UBXN11: variants seen among roughly 807,000 people sequenced by gnomAD.
UBXN11 encodes the protein UBX domain-containing protein 11.
A neutral mutation model predicts 62.8 loss-of-function variants in UBXN11; 47 were observed. That is an observed-to-expected ratio of 0.75 (90% CI 0.59 to 0.95). The LOEUF (loss-of-function observed/expected upper bound fraction) is 0.95, where lower values mean the gene tolerates loss of function less well. UBXN11 is among the 40% of genes least tolerant of loss of function. The pLI is 0.00. For synonymous variants in UBXN11, 294 were observed against 267.0 expected, an observed-to-expected ratio of 1.10 and a Z score of -0.99; for missense variants, 638 against 661.7, an observed-to-expected ratio of 0.96 and a Z score of 0.39.
upstream of UBXN11, among the ~76,000 whole-genome samples, chr1:26,310,481 T>C (rs748729211): frequency 1.3e-5 from 2 of 149,904 alleles, no homozygotes; most frequent in Non-Finnish European, 3.0e-5. Flanking sequence ...GAGGTTACAG[T>C]GAGCCAAGGT....
At chr1:26,304,190 C>A (rs1053208411) in intron 1 of UBXN11, among the ~76,000 whole-genome samples, 1 of 152,208 alleles carries the variant, frequency 6.6e-6, no homozygotes, top group African/African-American at 2.4e-5. Context: ...GCCTTCACTG[C>A]AGAGTTTGAG....
chr1:26,290,307 C>CT (rs1395695038), intron 8 of UBXN11, among the ~76,000 whole-genome samples: 1 of 152,214 alleles, frequency 6.6e-6, no homozygotes, highest in Non-Finnish European at 1.5e-5. Context: ...GTCAGCACGA[C>CT]TGAGGAGGAA....
intron 1 of UBXN11, among the ~76,000 whole-genome samples, chr1:26,315,232 G>A (rs1027323289): frequency 1.1e-4 from 16 of 152,222 alleles, no homozygotes; most frequent in African/African-American, 3.6e-4. Flanking sequence ...TTACAAATAA[G>A]AGTCTGGCAT....
intron 8 of UBXN11, among the ~76,000 whole-genome samples, chr1:26,291,315 A>G (rs1272748769): frequency 6.6e-6 from 1 of 152,212 alleles, no homozygotes; most frequent in Non-Finnish European, 1.5e-5. Context: ...CAGGAACAGA[A>G]GCTGCTAGCG....
intron 2 of UBXN11, among the ~76,000 whole-genome samples, chr1:26,302,091 C>T (rs2073550842): frequency 6.6e-6 from 1 of 152,110 alleles, no homozygotes; most frequent in Non-Finnish European, 1.5e-5. Context: ...CAAAGTGGGG[C>T]CAGGCGCGGT....
Position 26,298,051 on chromosome 1 carries a change from G to C in UBXN11, c.211C>G (p.His71Asp). 1.2e-6 allele frequency: 2 copies of C among 1,613,236 alleles called. No homozygotes were observed. ...ATGAAGGCCATCAGCTCCGAGTCAT[G>C]GGATGCAGGGACTGCCAAGCACACA... ...APVSRQVPAS[H>D]DSELMAFMTR... Residue 71 changes from histidine (H) to aspartate (D), a missense_variant, in exon 5 of 15, where the codon CAT (histidine) becomes GAT (aspartate). His to Asp is a moderately conservative substitution (Grantham distance 81). Coordinates refer to ENST00000374222, the MANE Select transcript of UBXN11 (RefSeq NM_001389556.1).
intron 1 of UBXN11, among the ~76,000 whole-genome samples, chr1:26,316,468 T>TG (rs1464073926): frequency 7.1e-6 from 1 of 141,012 alleles, no homozygotes; most frequent in Non-Finnish European, 1.5e-5. Flanking sequence ...TCCTGGGGCC[T>TG]GGGGGGAGTT....
chr1:26,303,109 G>A, intron 1 of UBXN11, 191 bp from the exon 2 acceptor site: 1 of 490,742 alleles, frequency 2.0e-6, no homozygotes, highest in Non-Finnish European at 3.7e-6. Context: ...GCTCCTCTGG[G>A]TATACGGCTT....
intron 8 of UBXN11, among the ~76,000 whole-genome samples, chr1:26,291,867 C>T (rs534818818): frequency 6.6e-6 from 1 of 152,322 alleles, no homozygotes; most frequent in East Asian, 1.9e-4. Context: ...GGGACACGCT[C>T]CCCTTCCTAG....
intron 1 of UBXN11, among the ~76,000 whole-genome samples, chr1:26,312,821 T>C (rs1428663708): frequency 6.7e-6 from 1 of 150,130 alleles, no homozygotes; most frequent in Non-Finnish European, 1.5e-5. Flanking sequence ...CTACTAAAAA[T>C]ACAAAAAATT....
chr1:26,307,556 GCACT>G (rs2073692692), upstream of UBXN11, among the ~76,000 whole-genome samples: 1 of 151,446 alleles, frequency 6.6e-6, no homozygotes, highest in Non-Finnish European at 1.5e-5. Context: ...CTGATCTCAG[GCACT>G]CACTTCTTTG....
chr1:26,305,789 C>T (rs1449519672), intron 1 of UBXN11, among the ~76,000 whole-genome samples: 1 of 152,118 alleles, frequency 6.6e-6, no homozygotes, highest in East Asian at 1.9e-4. Flanking sequence ...TTTTTCTCTC[C>T]TTCCTTCCCT....
At chr1:26,300,854 C>T (rs1404023750) in intron 4 of UBXN11, 72 bp downstream of exon 4, 2 of 1,609,756 alleles carry the variant, frequency 1.2e-6, no homozygotes, top group South Asian at 2.2e-5. Context: ...GCCATGCCTC[C>T]CTAGGCCTTG....
In UBXN11 at chr1:26,285,873, T is replaced by C; in HGVS notation, c.724A>G (p.Ile242Val). The C allele has an allele frequency of 1.2e-6, 2 of 1,612,714 alleles. No homozygotes were observed. Among genetic ancestry groups the C allele is most frequent in the Non-Finnish European group, 1.7e-6 (2 of 1,178,838 alleles). The part of the protein sequence containing the change: ...PIPLKLYRNG[I>V]MMFDGPFQPF... ...TGGAAGGGCCCGTCGAACATCATGA[T>C]GCCATTCCGGTAGAGCTTCAGCGGG... The change falls in exon 9 of 15, where the codon ATC becomes GTC. Residue 242 changes from isoleucine to valine, a missense_variant. Coordinates refer to ENST00000374222, the MANE Select transcript of UBXN11 (RefSeq NM_001389556.1).
In UBXN11 at chr1:26,316,797, C is replaced by T. The variant is rs369633429; in HGVS notation, c.-149+1250G>A. ...ATCCCCCCACCCCTCCCTGGGCCCT[C>T]ACAGCCACTCTCTCACCCCAGTCCC... On this transcript the variant is annotated intron_variant, in intron 1 of 14. Coordinates refer to the UBXN11 transcript ENST00000374217. Among the ~76,000 whole-genome samples, 95 of 151,698 alleles carry T rather than the reference C, an allele frequency of 6.3e-4. 1 individual carries two copies. Among genetic ancestry groups the T allele is most frequent in the African/African-American group, 2.2e-3 (90 of 41,338 alleles).
At chr1:26,286,825 A>G (rs1386428638) in intron 8 of UBXN11, among the ~76,000 whole-genome samples, 1 of 141,626 alleles carries the variant, frequency 7.1e-6, no homozygotes, top group Non-Finnish European at 1.6e-5. Context: ...CAGCCTCCTG[A>G]GTAGCTGGGA....
At position 26,286,451 on chromosome 1, in the gene UBXN11, T is replaced by C. The variant is rs188349951; in HGVS notation, c.560-414A>G. On this transcript the variant is annotated intron_variant, in intron 8 of 14. Coordinates refer to ENST00000374222, the MANE Select transcript of UBXN11 (RefSeq NM_001389556.1). ...GAGCTCCCAGCTCTGGATCGAGGCC[T>C]TCTGGGTTCAAATCCCAGTTCCTCC... Among the ~76,000 whole-genome samples, 908 of 152,346 alleles carry C rather than the reference T, an allele frequency of 6.0e-3. 3 individuals are homozygous for C. The highest frequency in any genetic ancestry group is 0.011 in the Non-Finnish European group (738 of 68,026).
intron 8 of UBXN11, among the ~76,000 whole-genome samples, chr1:26,292,061 A>G (rs557548213): frequency 3.9e-5 from 6 of 152,240 alleles, no homozygotes; most frequent in African/African-American, 1.4e-4. Context: ...CCCACCCTCA[A>G]GCTGGGCATC....
intron 8 of UBXN11, 106 bp from the exon 9 acceptor site, chr1:26,286,143 CCTT>C (rs1322451653): frequency 1.0e-6 from 1 of 985,564 alleles, no homozygotes; most frequent in African/African-American, 1.6e-5. Flanking sequence ...CTTAATGTCT[CCTT>C]AACTGACTGC....
Sources: gnomAD v4.1 joint callset for allele counts (sites outside exome capture counted in the v4.1 genomes callset) on GRCh38, gnomAD v4.1.1 for gene constraint, MANE v1.5 for transcripts, NCBI Gene and HGNC (gene_info 2026-07-23, HGNC 2026-07-21) for gene names.